Variants in GRID1 observed in about 807,000 individuals in gnomAD.
GRID1 encodes the protein glutamate ionotropic receptor delta type subunit 1.
In GRID1, 28 loss-of-function variants were observed where a neutral mutation model predicts 98.0. That is an observed-to-expected ratio of 0.29 (90% CI 0.21 to 0.39). GRID1 has a LOEUF of 0.39. GRID1 is among the 10% of genes least tolerant of loss of function. GRID1 has a pLI of 1.00. For missense variants in GRID1, 1,111 were observed against 1,340.5 expected (o/e 0.83, Z 2.67); for synonymous variants, 553 against 538.5 (o/e 1.03, Z -0.37).
chr10:85,991,387 C>T (rs958900302), intron 4 of GRID1, among the ~76,000 whole-genome samples: 2 of 151,978 alleles, frequency 1.3e-5, no homozygotes, highest in African/African-American at 4.8e-5. Flanking sequence ...CAGGTGGATG[C>T]GAAGGCTCAC....
At chr10:85,995,676 C>A (rs986008633) in intron 4 of GRID1, among the ~76,000 whole-genome samples, 1 of 152,198 alleles carries the variant, frequency 6.6e-6, no homozygotes, top group Non-Finnish European at 1.5e-5. Flanking sequence ...GTAAGTTTAC[C>A]AAGCTTTTAT....
At chr10:86,208,278 G>A (rs1024551453) in intron 2 of GRID1, among the ~76,000 whole-genome samples, 1 of 152,092 alleles carries the variant, frequency 6.6e-6, no homozygotes, top group Admixed American at 6.5e-5. Context: ...CCACCGGCAG[G>A]GGGTAGCTAA....
chr10:86,365,211 G>A lies in GRID1; in HGVS notation c.79+1103C>T, dbSNP rs1299359482. Among the ~76,000 whole-genome samples, 1 of 152,108 alleles carries A rather than the reference G, an allele frequency of 6.6e-6. No homozygotes were observed. The highest frequency in any genetic ancestry group is 2.4e-5 in the African/African-American group (1 of 41,440). Reference sequence around the variant, plus strand: ...CTGAGGAGGAATCGTAGCTCTCCGAGCCCAGGCCTAGTCCTCACCACCCCA... The same window carrying A: ...CTGAGGAGGAATCGTAGCTCTCCGAACCCAGGCCTAGTCCTCACCACCCCA... On this transcript the variant is annotated intron_variant, in intron 1 of 15. Transcript: ENST00000327946. This position sits in a 1 kb window ranked among gnomAD's most constrained non-coding sequence, Gnocchi z 4.8.
intron 5 of GRID1, among the ~76,000 whole-genome samples, chr10:85,879,314 A>C (rs1460470278): frequency 6.6e-6 from 1 of 152,326 alleles, no homozygotes; most frequent in African/African-American, 2.4e-5. Context: ...TCAACAGAAT[A>C]TACATTCTTT....
chr10:86,162,558 C>T (rs1285157637), intron 3 of GRID1, among the ~76,000 whole-genome samples: 2 of 152,208 alleles, frequency 1.3e-5, no homozygotes, highest in Non-Finnish European at 2.9e-5. Context: ...GACTCAATTT[C>T]CATTCCCAAT....
intron 2 of GRID1, among the ~76,000 whole-genome samples, chr10:86,354,219 G>C (rs1287198686): frequency 2.6e-5 from 4 of 152,206 alleles, no homozygotes; most frequent in Non-Finnish European, 5.9e-5. Context: ...GGCCACAGCA[G>C]AGCCAGACCA....
chr10:85,826,692 A>C (rs1646229690), intron 8 of GRID1, among the ~76,000 whole-genome samples: 1 of 152,144 alleles, frequency 6.6e-6, no homozygotes. Context: ...TGCTGCCACC[A>C]TTTAAATGAA....
intron 12 of GRID1, among the ~76,000 whole-genome samples, chr10:85,720,241 A>C (rs1394862733): frequency 6.6e-6 from 1 of 152,166 alleles, no homozygotes; most frequent in African/African-American, 2.4e-5. Context: ...GTGTTCTGTT[A>C]ATTTTTCAGT....
At chr10:85,845,652 C>T (rs1842998579) in intron 8 of GRID1, among the ~76,000 whole-genome samples, 1 of 152,156 alleles carries the variant, frequency 6.6e-6, no homozygotes. Context: ...TCCTGACTGA[C>T]CCTGTGGCCC....
intron 2 of GRID1, among the ~76,000 whole-genome samples, chr10:86,246,024 G>A (rs1429627227): frequency 6.6e-6 from 1 of 152,266 alleles, no homozygotes; most frequent in Non-Finnish European, 1.5e-5. Context: ...AGCTGGGGCA[G>A]GCACCCATGT....
chr10:85,704,932 A>G (rs1218716630), intron 12 of GRID1, among the ~76,000 whole-genome samples: 1 of 152,206 alleles, frequency 6.6e-6, no homozygotes, highest in African/African-American at 2.4e-5. Flanking sequence ...GAGAACAAAG[A>G]CACAACATAC....
At chr10:85,624,013 G>C (rs1413986766) in intron 13 of GRID1, among the ~76,000 whole-genome samples, 3 of 152,140 alleles carry the variant, frequency 2.0e-5, no homozygotes, top group Non-Finnish European at 4.4e-5. Context: ...ATTTAGATCT[G>C]CTATTTTTTG....
chr10:85,826,417 C>A (rs1842820783), intron 8 of GRID1, among the ~76,000 whole-genome samples: 1 of 152,164 alleles, frequency 6.6e-6, no homozygotes, highest in Non-Finnish European at 1.5e-5. Context: ...AATAAAATGA[C>A]TAGCATCCCC....
intron 4 of GRID1, among the ~76,000 whole-genome samples, chr10:85,924,732 G>A (rs1354174187): frequency 2.0e-5 from 3 of 152,186 alleles, no homozygotes; most frequent in Admixed American, 6.5e-5. Context: ...AAGAATAATT[G>A]ACTAAATTCA....
chr10:85,809,569 G>T (rs920868525), intron 8 of GRID1, among the ~76,000 whole-genome samples: 1 of 152,194 alleles, frequency 6.6e-6, no homozygotes, highest in African/African-American at 2.4e-5. Context: ...GACAAAAGGA[G>T]TGCTATCAGC....
At chr10:86,141,893 C>G (rs1203651925) in intron 3 of GRID1, among the ~76,000 whole-genome samples, 2 of 152,220 alleles carry the variant, frequency 1.3e-5, no homozygotes, top group South Asian at 2.1e-4. Flanking sequence ...CCTTCAGGCC[C>G]CTGGCAAAGG....
chr10:85,754,661 T>C (rs1193065771), intron 8 of GRID1, among the ~76,000 whole-genome samples: 1 of 152,186 alleles, frequency 6.6e-6, no homozygotes, highest in East Asian at 1.9e-4. Context: ...GAGATACTCT[T>C]TTCCCCAAAA....
intron 2 of GRID1, among the ~76,000 whole-genome samples, chr10:86,296,860 ACAGG>A (rs1447414514): frequency 6.6e-6 from 1 of 152,198 alleles, no homozygotes; most frequent in Non-Finnish European, 1.5e-5. Flanking sequence ...TGTATTCTAC[ACAGG>A]CAAAAATACT....
intron 12 of GRID1, among the ~76,000 whole-genome samples, chr10:85,719,142 T>C (rs964596427): frequency 6.6e-6 from 1 of 152,190 alleles, no homozygotes; most frequent in Non-Finnish European, 1.5e-5. Context: ...TCCCGATAAG[T>C]TCCTCATCTC....
Sources: gnomAD v4.1 joint callset for allele counts (sites outside exome capture counted in the v4.1 genomes callset) on GRCh38, gnomAD v4.1.1 for gene constraint, Gnocchi (gnomAD v3.1) non-coding constraint, MANE v1.5 for transcripts, NCBI Gene and HGNC (gene_info 2026-07-23, HGNC 2026-07-21) for gene names.